Variants in GRIK2 observed in about 807,000 individuals in gnomAD.
The protein encoded by GRIK2 is glutamate receptor ionotropic, kainate 2.
GRIK2 carries 32 observed loss-of-function variants against 100.3 expected under a neutral mutation model. The observed-to-expected ratio is 0.32, with a 90% CI of 0.24 to 0.43. GRIK2 has a LOEUF of 0.43. Ranked by LOEUF, GRIK2 falls within the 20% of genes least tolerant of loss-of-function variation. The pLI is 1.00. For synonymous variants in GRIK2, 417 were observed against 389.4 expected (o/e 1.07, Z -0.83); for missense variants, 843 against 1,114.9 (o/e 0.76, Z 3.47).
At chr6:101,778,793 T>G (rs977409018) in intron 7 of GRIK2, among the ~76,000 whole-genome samples, 1 of 152,168 alleles carries the variant, frequency 6.6e-6, no homozygotes, top group African/African-American at 2.4e-5. Context: ...TGTTTTAATT[T>G]TTGTGTAACT....
intron 4 of GRIK2, among the ~76,000 whole-genome samples, chr6:101,646,111 T>C (rs556519019): frequency 6.6e-6 from 1 of 152,018 alleles, no homozygotes; most frequent in African/African-American, 2.4e-5. Flanking sequence ...CCCAGTAAGC[T>C]GTTCCACAAG....
At chr6:101,682,433 T>C in intron 5 of GRIK2, 120 bp from the exon 6 acceptor site, 1 of 658,678 alleles carries the variant, frequency 1.5e-6, no homozygotes, top group Non-Finnish European at 2.7e-6. Context: ...TAATTGTATG[T>C]AACATGAATA....
intron 2 of GRIK2, among the ~76,000 whole-genome samples, chr6:101,514,706 C>T (rs1774495985): frequency 6.6e-6 from 1 of 151,900 alleles, no homozygotes; most frequent in Non-Finnish European, 1.5e-5. Context: ...TTAAATTACC[C>T]CTTCAACAAA....
chr6:101,749,736 T>C lies in GRIK2; in HGVS notation c.952-49912T>C, dbSNP rs537186045. Among the ~76,000 whole-genome samples, 8 of 152,192 alleles carry C rather than the reference T, an allele frequency of 5.3e-5. No homozygotes were observed. In the South Asian group the frequency reaches 1.7e-3, roughly 32 times the overall value. ...CAATATTTCTAACTTCTTGGTTTCT[T>C]TTAATAGCAACAGCAGTAGCAACAC... On this transcript the variant is annotated intron_variant, in intron 7 of 16. Coordinates refer to ENST00000369134, the MANE Select transcript of GRIK2 (RefSeq NM_021956.5).
intron 14 of GRIK2, among the ~76,000 whole-genome samples, chr6:102,018,578 A>G (rs1210251516): frequency 6.6e-6 from 1 of 152,004 alleles, no homozygotes; most frequent in Non-Finnish European, 1.5e-5. Flanking sequence ...AGGATTTTCC[A>G]CCTCAGTGTT....
At chr6:101,836,903 A>T (rs1783160709) in intron 10 of GRIK2, among the ~76,000 whole-genome samples, 1 of 151,796 alleles carries the variant, frequency 6.6e-6, no homozygotes, top group South Asian at 2.1e-4. Flanking sequence ...TGACCCTTTG[A>T]TCTGCCCTCC....
At chr6:101,643,046 G>A (rs1261495384) in intron 4 of GRIK2, among the ~76,000 whole-genome samples, 5 of 151,564 alleles carry the variant, frequency 3.3e-5, no homozygotes, top group Non-Finnish European at 5.9e-5. Flanking sequence ...TGTTTAAGTT[G>A]TATGCTGATT....
At position 101,712,121 on chromosome 6, in the gene GRIK2, T is replaced by A. The variant is rs184854794; in HGVS notation, c.951+25768T>A. 3.3e-5 allele frequency among the ~76,000 whole-genome samples: 5 copies of A among 151,932 alleles called. No individual in the cohort carries two copies. The East Asian group carries it at 9.7e-4, about 30-fold the overall frequency. On this transcript the variant is annotated intron_variant, in intron 7 of 16. Coordinates refer to ENST00000369134, the MANE Select transcript of GRIK2 (RefSeq NM_021956.5). ...ACTTTTAATTATAATTTAAAAGATATTTGAAATTGAATGGAACCAATCATA... is the reference window on the plus strand; with the variant it reads ...ACTTTTAATTATAATTTAAAAGATAATTGAAATTGAATGGAACCAATCATA...
At chr6:101,624,886 C>A (rs1166387304) in intron 3 of GRIK2, among the ~76,000 whole-genome samples, 2 of 152,110 alleles carry the variant, frequency 1.3e-5, no homozygotes, top group Non-Finnish European at 2.9e-5. Flanking sequence ...CACACAGCAC[C>A]ATGCCCAGCT....
At chr6:101,738,529 CT>C (rs199631780) in intron 7 of GRIK2, among the ~76,000 whole-genome samples, 1 of 152,128 alleles carries the variant, frequency 6.6e-6, no homozygotes, top group Non-Finnish European at 1.5e-5. Flanking sequence ...ATCTTCACAG[CT>C]TTTTTTATCC....
At chr6:101,737,121 T>G (rs1775691269) in intron 7 of GRIK2, among the ~76,000 whole-genome samples, 1 of 152,142 alleles carries the variant, frequency 6.6e-6, no homozygotes, top group Non-Finnish European at 1.5e-5. Flanking sequence ...CATATCATTA[T>G]CAGGATTTTG....
chr6:101,527,844 AAG>A (rs1456400467), intron 2 of GRIK2, among the ~76,000 whole-genome samples: 1 of 152,162 alleles, frequency 6.6e-6, no homozygotes, highest in South Asian at 2.1e-4. Flanking sequence ...AAATTTTGGC[AAG>A]AGAGAGAACT....
chr6:102,045,745 AG>A (rs1770853692), intron 15 of GRIK2, among the ~76,000 whole-genome samples: 1 of 152,122 alleles, frequency 6.6e-6, no homozygotes, highest in African/African-American at 2.4e-5. Context: ...ACACATACCA[AG>A]AGAGCATATG....
intron 11 of GRIK2, among the ~76,000 whole-genome samples, chr6:101,876,919 C>T (rs1785891183): frequency 6.6e-6 from 1 of 151,886 alleles, no homozygotes; most frequent in African/African-American, 2.4e-5. Context: ...CATTCCCCTA[C>T]ATCTCTATAC....
At chr6:101,461,453 C>T (rs991882952) in intron 2 of GRIK2, among the ~76,000 whole-genome samples, 3 of 152,168 alleles carry the variant, frequency 2.0e-5, no homozygotes, top group African/African-American at 7.2e-5. Flanking sequence ...CCACCACATT[C>T]CTTACCTTAT....
At chr6:101,645,017 A>G (rs1781451715) in intron 4 of GRIK2, among the ~76,000 whole-genome samples, 2 of 151,838 alleles carry the variant, frequency 1.3e-5, no homozygotes, top group Non-Finnish European at 2.9e-5. Context: ...CACCCTACCA[A>G]TCCATGCTAG....
chr6:102,022,265 TAC>T (rs1214275097), intron 14 of GRIK2, among the ~76,000 whole-genome samples: 1 of 151,508 alleles, frequency 6.6e-6, no homozygotes, highest in African/African-American at 2.4e-5. Flanking sequence ...AAAAACTCCA[TAC>T]ACAGTTGTTA....
intron 6 of GRIK2, among the ~76,000 whole-genome samples, chr6:101,684,046 T>C (rs1173606571): frequency 6.6e-6 from 1 of 152,236 alleles, no homozygotes; most frequent in African/African-American, 2.4e-5. Flanking sequence ...CTTCCTGTGA[T>C]GACAACTCTT....
intron 7 of GRIK2, among the ~76,000 whole-genome samples, chr6:101,739,085 T>C (rs2128376360): frequency 6.6e-6 from 1 of 152,320 alleles, no homozygotes; most frequent in South Asian, 2.1e-4. Flanking sequence ...CCTGATGTAT[T>C]ACTTACATGA....
Sources: gnomAD v4.1 joint callset for allele counts (sites outside exome capture counted in the v4.1 genomes callset) on GRCh38, gnomAD v4.1.1 for gene constraint, MANE v1.5 for transcripts, NCBI Gene and HGNC (gene_info 2026-07-23, HGNC 2026-07-21) for gene names.